Variants in SYT2 observed in about 807,000 individuals in gnomAD.
SYT2 encodes the protein synaptotagmin 2.
Under a neutral mutation model 39.9 loss-of-function variants are expected in SYT2, and 15 were observed. The ratio of observed to expected loss-of-function variants is 0.38; its 90% confidence interval spans 0.25 to 0.58. The LOEUF (loss-of-function observed/expected upper bound fraction) is 0.58, where lower values mean the gene tolerates loss of function less well. Ranked by LOEUF, SYT2 falls within the 20% of genes least tolerant of loss-of-function variation. The pLI is 0.70. For missense variants in SYT2, 389 were observed against 530.3 expected (o/e 0.73, Z 2.62); for synonymous variants, 181 against 204.5 (o/e 0.89, Z 0.98).
intron 1 of SYT2, among the ~76,000 whole-genome samples, chr1:202,659,613 C>G (rs1266498567): frequency 6.6e-6 from 1 of 152,214 alleles, no homozygotes; most frequent in East Asian, 1.9e-4. Flanking sequence ...TCCTGGCTCT[C>G]AGGTGCCCAA....
chr1:202,706,753 C>T (rs1041849338), intron 1 of SYT2, among the ~76,000 whole-genome samples: 4 of 152,176 alleles, frequency 2.6e-5, no homozygotes, highest in Non-Finnish European at 4.4e-5. Context: ...CCTGGCTTCT[C>T]TGACTGAGTG....
intron 1 of SYT2, among the ~76,000 whole-genome samples, chr1:202,661,807 G>A (rs1692388176): frequency 6.6e-6 from 1 of 152,214 alleles, no homozygotes; most frequent in Non-Finnish European, 1.5e-5. Context: ...GGGTAACTGA[G>A]GCTCAGAGTG....
chr1:202,613,974 A>G (rs1014601116), intron 1 of SYT2, among the ~76,000 whole-genome samples: 1 of 152,256 alleles, frequency 6.6e-6, no homozygotes, highest in African/African-American at 2.4e-5. Context: ...TGTGTCTGGC[A>G]CATAGAGGGC....
rs1293272136 is a variant in SYT2, at chr1:202,595,601, C to T, written c.*1156G>A. ...ACCTGGACCTCAGGAGAACTAAGAA[C>T]ATTTAAACTTTCCTTTTAAAGTTCT... On this transcript the variant is annotated 3_prime_UTR_variant, in exon 9 of 9. Transcript: ENST00000367268. 6.6e-6 allele frequency: 1 copy of T among 152,238 alleles called. No individual in the cohort carries two copies. The highest frequency in any genetic ancestry group is 1.5e-5 in the Non-Finnish European group (1 of 68,052). 9.4% of individuals were successfully genotyped at this position (152,238 alleles called of 1,614,324 possible).
At chr1:202,665,685 C>T (rs1007262297) in intron 1 of SYT2, among the ~76,000 whole-genome samples, 6 of 152,144 alleles carry the variant, frequency 3.9e-5, no homozygotes, top group Admixed American at 6.5e-5. Flanking sequence ...GGGAGGGCCT[C>T]GGTGCACCTT....
At chr1:202,690,497 G>C (rs1328681022) in intron 1 of SYT2, among the ~76,000 whole-genome samples, 5 of 152,124 alleles carry the variant, frequency 3.3e-5, no homozygotes, top group South Asian at 2.1e-4. Context: ...TGGATTCTCA[G>C]AGCCAAAGGG....
chr1:202,667,466 C>CATGTGT (rs1285664767), intron 1 of SYT2, among the ~76,000 whole-genome samples: 2 of 140,744 alleles, frequency 1.4e-5, no homozygotes, highest in African/African-American at 5.5e-5. Context: ...AGTGACCAGC[C>CATGTGT]GTGTGTGTGT....
chr1:202,596,717 T>C lies in SYT2; in HGVS notation c.*40A>G, dbSNP rs1690309825. 2 of 1,579,872 alleles carry C rather than the reference T, an allele frequency of 1.3e-6. No homozygotes were observed. The highest frequency in any genetic ancestry group is 2.7e-5 in the African/African-American group (2 of 74,404). On this transcript the variant is annotated 3_prime_UTR_variant, in exon 9 of 9. Coordinates refer to ENST00000367268, the MANE Select transcript of SYT2 (RefSeq NM_177402.5). The stretch of plus-strand genomic sequence containing the variant: ...GAGGTATTGATAGCTCTGGATCTTG[T>C]CAGTGTCCGTGAAAGGTGTGGGGTC...
intron 1 of SYT2, among the ~76,000 whole-genome samples, chr1:202,691,718 AGAGGGAGAGGGGGG>A (rs1653828871): frequency 7.2e-5 from 2 of 27,860 alleles, no homozygotes; most frequent in East Asian, 2.0e-3. Flanking sequence ...AGGGAGAGGG[AGAGGGAGAGGGGGG>A]GAGAGAGAGA....
intron 1 of SYT2, among the ~76,000 whole-genome samples, chr1:202,666,199 C>A (rs1692480035): frequency 6.6e-6 from 1 of 151,822 alleles, no homozygotes; most frequent in African/African-American, 2.4e-5. Flanking sequence ...TTGTGAGCAG[C>A]TCTCAGCAGG....
intron 1 of SYT2, among the ~76,000 whole-genome samples, chr1:202,607,424 C>T (rs1690744255): frequency 6.6e-6 from 1 of 152,192 alleles, no homozygotes; most frequent in African/African-American, 2.4e-5. Context: ...AGGATGCATA[C>T]AGCACAAGAA....
intron 1 of SYT2, among the ~76,000 whole-genome samples, chr1:202,669,742 AGT>A (rs1195070968): frequency 6.7e-6 from 1 of 149,876 alleles, no homozygotes; most frequent in Non-Finnish European, 1.5e-5. Flanking sequence ...TGGATGACAG[AGT>A]GAGACCCTGT....
At chr1:202,616,503 C>A (rs1691040645) in intron 1 of SYT2, among the ~76,000 whole-genome samples, 2 of 152,176 alleles carry the variant, frequency 1.3e-5, no homozygotes, top group South Asian at 4.1e-4. Flanking sequence ...CACATATGCA[C>A]ACACATATAC....
intron 1 of SYT2, among the ~76,000 whole-genome samples, chr1:202,682,404 G>T (rs750970539): frequency 1.3e-5 from 2 of 152,206 alleles, no homozygotes; most frequent in Non-Finnish European, 2.9e-5. Context: ...CAACAGAAAG[G>T]TGTCACAAGG....
chr1:202,651,154 A>G (rs1373487787), intron 1 of SYT2, among the ~76,000 whole-genome samples: 5 of 152,002 alleles, frequency 3.3e-5, no homozygotes, highest in African/African-American at 1.2e-4. Context: ...AGGTCAAGGG[A>G]AAGCCAATAC....
intron 1 of SYT2, among the ~76,000 whole-genome samples, chr1:202,650,435 C>CTTTT (rs68013997): frequency 3.8e-4 from 54 of 143,274 alleles, no homozygotes; most frequent in African/African-American, 1.3e-3. Flanking sequence ...GTTTCATATG[C>CTTTT]TTTTGTTTTT....
At chr1:202,625,324 TGTGTGTGGC>T (rs1264089612) in intron 1 of SYT2, among the ~76,000 whole-genome samples, 18 of 61,950 alleles carry the variant, frequency 2.9e-4, no homozygotes, top group African/African-American at 1.2e-4. Flanking sequence ...GTGTGTGTGG[TGTGTGTGGC>T]ATGTAGTAGG....
At chr1:202,687,817 C>G (rs183821753) in intron 1 of SYT2, among the ~76,000 whole-genome samples, 1 of 152,056 alleles carries the variant, frequency 6.6e-6, no homozygotes, top group Admixed American at 6.6e-5. Flanking sequence ...TTAATTTTTC[C>G]CTTTGGGAAT....
intron 1 of SYT2, among the ~76,000 whole-genome samples, chr1:202,642,578 C>T (rs529974963): frequency 2.6e-5 from 4 of 152,246 alleles, no homozygotes; most frequent in Admixed American, 6.5e-5. Context: ...AGCCGTGGCG[C>T]GTGTCAAAGT....
Sources: gnomAD v4.1 joint callset for allele counts (sites outside exome capture counted in the v4.1 genomes callset) on GRCh38, gnomAD v4.1.1 for gene constraint, MANE v1.5 for transcripts, NCBI Gene and HGNC (gene_info 2026-07-23, HGNC 2026-07-21) for gene names.